SRFBP1: variants seen among roughly 807,000 people sequenced by gnomAD.
The protein encoded by SRFBP1 is serum response factor-binding protein 1.
SRFBP1 carries 47 observed loss-of-function variants against 45.5 expected under a neutral mutation model. The ratio of observed to expected loss-of-function variants is 1.03; its 90% CI spans 0.82 to 1.32. SRFBP1 has a LOEUF of 1.32. SRFBP1 is among the 40% of genes most tolerant of loss of function. The pLI is 0.00. For missense variants in SRFBP1, 621 were observed against 484.6 expected (o/e 1.28, Z -2.64); for synonymous variants, 203 against 166.3 (o/e 1.22, Z -1.70).
At chr5:122,075,723 C>T (rs1050637711), downstream of SRFBP1, among the ~76,000 whole-genome samples, 8 of 152,002 alleles carry the variant, frequency 5.3e-5, no homozygotes, top group Non-Finnish European at 7.4e-5. Flanking sequence ...CTCCTAGAAC[C>T]GTCTTGGAGT....
chr5:122,033,164 G>T (rs1463811742), downstream of SRFBP1, among the ~76,000 whole-genome samples: 2 of 151,258 alleles, frequency 1.3e-5, no homozygotes, highest in Non-Finnish European at 2.9e-5. Context: ...CCACTGGTGA[G>T]GGTTTTTTTT....
intron 3 of SRFBP1, among the ~76,000 whole-genome samples, chr5:121,982,257 G>A (rs1451584095): frequency 6.6e-6 from 1 of 151,862 alleles, no homozygotes; most frequent in Non-Finnish European, 1.5e-5. Flanking sequence ...ACTTAACTGT[G>A]ACCTTTAAAA....
Position 122,015,824 on chromosome 5 carries a change from T to G in SRFBP1, c.271-3436T>G, listed in dbSNP as rs1753183870. Among the ~76,000 whole-genome samples, 4 of 152,222 alleles carry G rather than the reference T, an allele frequency of 2.6e-5. No homozygotes were observed. In the South Asian group the frequency reaches 8.3e-4, roughly 32 times the overall value. Reference sequence around the variant, plus strand: ...TAAGATGTTTATGTACTGTATTAGCTTTTTTATTTTAAGCACTAGCTATTA... The same window carrying G: ...TAAGATGTTTATGTACTGTATTAGCGTTTTTATTTTAAGCACTAGCTATTA... On this transcript the variant is annotated intron_variant, in intron 4 of 7. Transcript: ENST00000339397.
intron 2 of SRFBP1, among the ~76,000 whole-genome samples, chr5:122,039,129 C>A (rs1325107517): frequency 6.6e-6 from 1 of 152,156 alleles, no homozygotes; most frequent in East Asian, 1.9e-4. Flanking sequence ...TATAACAGAA[C>A]GGTGTGTCCT....
At chr5:122,059,486 T>C (rs1380294834) in intron 2 of SRFBP1, among the ~76,000 whole-genome samples, 1 of 152,116 alleles carries the variant, frequency 6.6e-6, no homozygotes, top group East Asian at 1.9e-4. Context: ...CTGTCACTCC[T>C]GCACACATCT....
chr5:122,053,258 A>G (rs1029302106), intron 2 of SRFBP1, among the ~76,000 whole-genome samples: 3 of 152,126 alleles, frequency 2.0e-5, no homozygotes, highest in African/African-American at 7.2e-5. Flanking sequence ...TTTAGGAGGC[A>G]GGGCTGGATG....
chr5:121,994,195 C>T lies in SRFBP1; in HGVS notation c.199-404C>T, dbSNP rs138098156. Among the ~76,000 whole-genome samples, 464 of 152,044 alleles carry T rather than the reference C, an allele frequency of 3.1e-3. 1 individual carries two copies. The highest frequency in any genetic ancestry group is 5.4e-3 in the Non-Finnish European group (369 of 67,916). On this transcript the variant is annotated intron_variant, in intron 3 of 7. Coordinates refer to ENST00000339397, the MANE Select transcript of SRFBP1 (RefSeq NM_152546.3). ...AGTTGTGTTTTATTTGATGCATAGT[C>T]ATAAATGTTATCTTCTTTGTCTTCA...
chr5:121,962,112 A>G (rs1359724541), intron 1 of SRFBP1, 44 bp downstream of exon 1: 10 of 1,612,368 alleles, frequency 6.2e-6, no homozygotes, highest in African/African-American at 1.3e-5. Flanking sequence ...AGGGTCCTCA[A>G]AACCAGCTCT....
intron 2 of SRFBP1, 152 bp downstream of exon 2, chr5:121,974,436 A>G: frequency 1.7e-6 from 1 of 580,712 alleles, no homozygotes; most frequent in East Asian, 2.9e-5. Context: ...TGTGAGTGAG[A>G]TAGAATGTGC....
intron 1 of SRFBP1, among the ~76,000 whole-genome samples, chr5:121,970,252 A>G (rs1211506179): frequency 2.0e-5 from 3 of 152,120 alleles, no homozygotes; most frequent in African/African-American, 7.2e-5. Context: ...ATTCATGGCA[A>G]ACATAGTATT....
intron 1 of SRFBP1, among the ~76,000 whole-genome samples, chr5:121,965,186 T>C (rs1193299296): frequency 1.3e-5 from 2 of 152,216 alleles, no homozygotes; most frequent in Non-Finnish European, 2.9e-5. Flanking sequence ...AGAAGCTCTT[T>C]AGTTTAATTA....
At chr5:121,978,531 G>A (rs577815873) in intron 3 of SRFBP1, among the ~76,000 whole-genome samples, 1 of 151,804 alleles carries the variant, frequency 6.6e-6, no homozygotes, top group Non-Finnish European at 1.5e-5. Context: ...TCTCTCTGTC[G>A]CCCATGCTGG....
intron 7 of SRFBP1, among the ~76,000 whole-genome samples, chr5:122,024,231 T>C (rs972831549): frequency 2.0e-5 from 3 of 152,262 alleles, no homozygotes; most frequent in African/African-American, 7.2e-5. Context: ...GCTTGTGGCC[T>C]GCTTGCCAAG....
At chr5:122,034,243 C>T (rs1282659664) in intron 2 of SRFBP1, among the ~76,000 whole-genome samples, 1 of 152,206 alleles carries the variant, frequency 6.6e-6, no homozygotes, top group Non-Finnish European at 1.5e-5. Context: ...AGCCCTTTCA[C>T]ATGTGTTAAG....
At chr5:121,983,579 T>C (rs1752455990) in intron 3 of SRFBP1, among the ~76,000 whole-genome samples, 1 of 151,802 alleles carries the variant, frequency 6.6e-6, no homozygotes, top group Non-Finnish European at 1.5e-5. Context: ...TTAATTAATA[T>C]TTTTTGGTAA....
chr5:122,004,263 C>T lies in SRFBP1; in HGVS notation c.270+9593C>T, dbSNP rs943752212. ...CCTCTAGCAGTTTTACAGTTTCCAG[C>T]CTTACGTTTTGGCCTTTAATCCATT... On this transcript the variant is annotated intron_variant, in intron 4 of 7. Transcript: ENST00000339397. Among the ~76,000 whole-genome samples, 3 of 152,274 alleles carry T rather than the reference C, an allele frequency of 2.0e-5. 1 individual carries two copies. The Middle Eastern group carries it at 0.01, about 518-fold the overall frequency.
chr5:122,034,134 C>G (rs1443805414), intron 2 of SRFBP1, among the ~76,000 whole-genome samples: 1 of 152,080 alleles, frequency 6.6e-6, no homozygotes, highest in Non-Finnish European at 1.5e-5. Context: ...TATTTTTAGC[C>G]TTTCTAAATA....
At chr5:121,996,834 A>G (rs1336523206) in intron 4 of SRFBP1, among the ~76,000 whole-genome samples, 10 of 144,356 alleles carry the variant, frequency 6.9e-5, no homozygotes, top group Non-Finnish European at 4.5e-5. Flanking sequence ...TACAAAATCA[A>G]TGTACAAAAA....
downstream of SRFBP1, chr5:122,078,146 G>A (rs1469797826): frequency 5.0e-6 from 3 of 595,510 alleles, no homozygotes; most frequent in Non-Finnish European, 7.8e-6. Flanking sequence ...GTGGGATTCA[G>A]ACCCTTCCCC....
Sources: gnomAD v4.1 joint callset for allele counts (sites outside exome capture counted in the v4.1 genomes callset) on GRCh38, gnomAD v4.1.1 for gene constraint, MANE v1.5 for transcripts, NCBI Gene and HGNC (gene_info 2026-07-23, HGNC 2026-07-21) for gene names.